Variants in GXYLT1 observed in about 807,000 individuals in gnomAD.
The protein encoded by GXYLT1 is glucoside xylosyltransferase 1, also known as glycosyltransferase 8 domain containing 3.
Under a neutral mutation model 54.0 loss-of-function variants are expected in GXYLT1, and 29 were observed. The observed-to-expected ratio is 0.54, with a 90% CI of 0.40 to 0.73. The LOEUF (loss-of-function observed/expected upper bound fraction) is 0.73, where lower values mean the gene tolerates loss of function less well. Among genes scored for constraint, GXYLT1 ranks in the 30% least tolerant of loss-of-function variants. The pLI, the probability that GXYLT1 is intolerant of heterozygous loss-of-function variation, is 0.00. For synonymous variants in GXYLT1, 176 were observed against 204.1 expected, an observed-to-expected ratio of 0.86 and a Z score of 1.17; for missense variants, 490 against 553.4, an observed-to-expected ratio of 0.89 and a Z score of 1.15.
intron 1 of GXYLT1, among the ~76,000 whole-genome samples, chr12:42,137,549 G>A (rs1463688013): frequency 2.8e-4 from 40 of 141,990 alleles, no homozygotes; most frequent in Non-Finnish European, 4.5e-4. Context: ...TCAGGAGATC[G>A]AGACCATCCT....
Position 42,144,724 on chromosome 12 carries a change from C to CA in GXYLT1, c.-79dup. ...CTGGAGCGGAGGGAGGGGCACCGCG[C>CA]AGCCGCGGGCGCAACAAGTTCCTCA... On this transcript the variant is annotated 5_prime_UTR_variant, in exon 1 of 8. Transcript: ENST00000398675. 8.7e-7 allele frequency: 1 copy of CA among 1,145,270 alleles called. No homozygotes were observed. Among genetic ancestry groups the CA allele is most frequent in the Non-Finnish European group, 1.1e-6 (1 of 887,510 alleles). The allele number at this position is 1,145,270 out of a possible 1,614,324, so 70.9% of individuals were successfully genotyped here.
At chr12:42,116,099 C>G (rs1385666885) in intron 3 of GXYLT1, among the ~76,000 whole-genome samples, 1 of 152,136 alleles carries the variant, frequency 6.6e-6, no homozygotes, top group African/African-American at 2.4e-5. Context: ...GAAACTGGAT[C>G]CCTTCCTTAC....
At chr12:42,098,779 AT>A (rs1264027665) in intron 5 of GXYLT1, among the ~76,000 whole-genome samples, 8 of 142,448 alleles carry the variant, frequency 5.6e-5, no homozygotes, top group African/African-American at 2.1e-4. Context: ...ATATATATAT[AT>A]ATATAATACA....
intron 7 of GXYLT1, among the ~76,000 whole-genome samples, chr12:42,092,238 C>T (rs1474904148): frequency 6.6e-6 from 1 of 152,178 alleles, no homozygotes; most frequent in Non-Finnish European, 1.5e-5. Flanking sequence ...CAGCTTTTCT[C>T]CTGACCCCCA....
chr12:42,114,250 C>G (rs965066784), intron 3 of GXYLT1, among the ~76,000 whole-genome samples: 2 of 151,974 alleles, frequency 1.3e-5, no homozygotes, highest in Non-Finnish European at 2.9e-5. Flanking sequence ...ACATTCAAAA[C>G]CTAGCAGAAG....
chr12:42,127,577 G>A (rs1423544389), intron 2 of GXYLT1, among the ~76,000 whole-genome samples: 1 of 152,164 alleles, frequency 6.6e-6, no homozygotes, highest in Non-Finnish European at 1.5e-5. Context: ...AGAGAGTCCA[G>A]GATTCCGACT....
chr12:42,113,522 G>A lies in GXYLT1; in HGVS notation c.487-3831C>T, dbSNP rs910083999. On this transcript the variant is annotated intron_variant, in intron 3 of 7. Transcript: ENST00000398675. ...ACAGACTTTAAACCAACAAAGATCA[G>A]AAGAGACAAAGAAGGCCATTACATA... 1.5e-4 allele frequency among the ~76,000 whole-genome samples: 23 copies of A among 151,072 alleles called. No individual in the cohort carries two copies. In the East Asian group the frequency reaches 2.3e-3, roughly 15 times the overall value.
intron 5 of GXYLT1, among the ~76,000 whole-genome samples, chr12:42,102,677 T>C (rs984598208): frequency 4.1e-4 from 62 of 152,162 alleles, no homozygotes; most frequent in Admixed American, 3.0e-3. Flanking sequence ...GTCTAATTTA[T>C]ACTCTTTGGT....
intron 2 of GXYLT1, among the ~76,000 whole-genome samples, chr12:42,123,003 G>A (rs1592120131): frequency 3.9e-5 from 6 of 151,946 alleles, no homozygotes; most frequent in Admixed American, 2.6e-4. Flanking sequence ...GTAGACAGTC[G>A]GCAAATCAAA....
rs1283151267 is a variant in GXYLT1, at chr12:42,084,798, A to G, written c.*2988T>C. ...TACTCTTCATTAGAAAAAAGTATGC[A>G]TTTTCTTAAAGCATAAATCACAATA... On this transcript the variant is annotated 3_prime_UTR_variant, in exon 8 of 8. Transcript: ENST00000398675. 1 of 149,662 alleles carries G rather than the reference A, an allele frequency of 6.7e-6. No individual in the cohort carries two copies. Among genetic ancestry groups the G allele is most frequent in the Non-Finnish European group, 1.5e-5 (1 of 67,302 alleles). 9.3% of individuals were successfully genotyped at this position (149,662 alleles called of 1,614,324 possible).
chr12:42,119,148 A>G lies in GXYLT1; in HGVS notation c.338T>C (p.Val113Ala). The G allele has an allele frequency of 6.2e-7, 1 of 1,614,120 alleles. No homozygotes were observed. Among genetic ancestry groups the G allele is most frequent in the Non-Finnish European group, 8.5e-7 (1 of 1,179,934 alleles). ...AFRYSLKIQP[V>A]EKMHLAVVAC... The stretch of plus-strand genomic sequence containing the variant: ...AACTACAGCTAGATGCATTTTCTCA[A>G]CAGGCTGTATTTTCAGACTGTACCT... Residue 113 changes from valine (V) to alanine (A), a missense_variant, in exon 3 of 8, where the codon GTT (valine) becomes GCT (alanine). Physicochemically the swap from Val to Ala is moderately conservative, Grantham distance 64 (BLOSUM62 0). This residue lies in a region of GXYLT1 where 148 missense variants were observed against 210.7 expected (regional missense o/e 0.70). Transcript: ENST00000398675.
chr12:42,117,502 C>A (rs74078165), intron 3 of GXYLT1, among the ~76,000 whole-genome samples: 1 of 151,728 alleles, frequency 6.6e-6, no homozygotes, highest in Non-Finnish European at 1.5e-5. Flanking sequence ...TATTTTTGCA[C>A]TTGACATGCA....
chr12:42,100,266 T>C (rs373187306), intron 5 of GXYLT1, among the ~76,000 whole-genome samples: 3 of 152,308 alleles, frequency 2.0e-5, no homozygotes, highest in African/African-American at 4.8e-5. Flanking sequence ...TGTGCTACTA[T>C]GTAAATTTTT....
intron 3 of GXYLT1, among the ~76,000 whole-genome samples, chr12:42,116,254 G>A (rs1274052933): frequency 6.6e-6 from 1 of 151,936 alleles, no homozygotes; most frequent in Non-Finnish European, 1.5e-5. Context: ...CAAAAGCAAT[G>A]GCAACAAAAG....
chr12:42,082,156 A>T lies in GXYLT1; in HGVS notation c.*5630T>A, dbSNP rs2065257856. 6.6e-6 allele frequency: 1 copy of T among 152,204 alleles called. No individual in the cohort carries two copies. Among genetic ancestry groups the T allele is most frequent in the Non-Finnish European group, 1.5e-5 (1 of 68,034 alleles). 9.4% of individuals were successfully genotyped at this position (152,204 alleles called of 1,614,324 possible). The stretch of plus-strand genomic sequence containing the variant: ...CAGGTTTAGAACTATTACTACTCAA[A>T]ATATTAATACATTTATGCAAAATGA... On this transcript the variant is annotated 3_prime_UTR_variant, in exon 8 of 8. Coordinates refer to ENST00000398675, the MANE Select transcript of GXYLT1 (RefSeq NM_173601.2).
At chr12:42,119,849 A>C (rs944986556) in intron 2 of GXYLT1, among the ~76,000 whole-genome samples, 2 of 152,228 alleles carry the variant, frequency 1.3e-5, no homozygotes, top group Non-Finnish European at 2.9e-5. Context: ...CAAACATCAA[A>C]TTACAAAACA....
Position 42,144,672 on chromosome 12 carries a change from C to T in GXYLT1, c.-26G>A. 1 of 1,387,678 alleles carries T rather than the reference C, an allele frequency of 7.2e-7. No homozygotes were observed. Among genetic ancestry groups the T allele is most frequent in the South Asian group, 1.5e-5 (1 of 67,914 alleles). The allele number at this position is 1,387,678 out of a possible 1,614,324, so 86.0% of individuals were successfully genotyped here. A position where few individuals can be genotyped will look rare whatever the true frequency, so the allele number is the denominator to read the frequency against. On this transcript the variant is annotated 5_prime_UTR_variant, in exon 1 of 8. Transcript: ENST00000398675. ...CGCCCCGGCCGCGCTCCTCCTTCGC[C>T]GCCGCCGCCGCGCCCGCCCCGACGA...
chr12:42,098,880 A>C (rs1021962142), intron 5 of GXYLT1, among the ~76,000 whole-genome samples: 1 of 150,676 alleles, frequency 6.6e-6, no homozygotes, highest in African/African-American at 2.4e-5. Context: ...CTTCCATTTT[A>C]TATTCTAAAA....
chr12:42,106,171 T>C (rs1639730554), intron 4 of GXYLT1, 102 bp from the exon 5 acceptor site: 3 of 706,002 alleles, frequency 4.2e-6, no homozygotes, highest in Non-Finnish European at 6.9e-6. Flanking sequence ...ATTAGCTAAT[T>C]TATATTATTT....
Sources: gnomAD v4.1 joint callset for allele counts (sites outside exome capture counted in the v4.1 genomes callset) on GRCh38, gnomAD v4.1.1 for gene constraint, gnomAD v4.1.1 regional missense constraint, MANE v1.5 for transcripts, NCBI Gene and HGNC (gene_info 2026-07-23, HGNC 2026-07-21) for gene names.